PIK3R5: variants seen among roughly 807,000 people sequenced by gnomAD.
PIK3R5 encodes the protein phosphoinositide-3-kinase regulatory subunit 5.
PIK3R5 carries 32 observed loss-of-function variants against 94.9 expected under a neutral mutation model. The observed-to-expected ratio is 0.34, with a 90% CI of 0.25 to 0.45. The LOEUF (loss-of-function observed/expected upper bound fraction) is 0.45. PIK3R5 is among the 20% of genes least tolerant of loss of function. The pLI is 1.00. For synonymous variants in PIK3R5, 443 were observed against 479.4 expected (o/e 0.92, Z 0.99); for missense variants, 853 against 1,144.6 (o/e 0.75, Z 3.68).
At chr17:8,902,515 A>T (rs1420582412) in intron 5 of PIK3R5, among the ~76,000 whole-genome samples, 1 of 151,978 alleles carries the variant, frequency 6.6e-6, no homozygotes, top group Non-Finnish European at 1.5e-5. Context: ...GCCTCCCAAA[A>T]TGCTGGGATT....
rs1567639751 is a variant in PIK3R5 at position 8,893,086 on chromosome 17, T to TGTGTGTG, written c.482+499_482+500insCACACAC. 3.5e-4 allele frequency among the ~76,000 whole-genome samples: 28 copies of TGTGTGTG among 78,940 alleles called. No individual in the cohort carries two copies. Among genetic ancestry groups the TGTGTGTG allele is most frequent in the African/African-American group, 1.8e-3 (23 of 12,446 alleles). 51.8% of individuals were successfully genotyped at this position (78,940 alleles called of 152,430 possible). A position where few individuals can be genotyped will look rare whatever the true frequency, so the allele number is the denominator to read the frequency against. ...TGTGTGTGTGTGTGTGTGTGTGTGTTTGTGTATCAGGCTGTCATATAAAAT... is the reference window on the plus strand; with the variant it reads ...TGTGTGTGTGTGTGTGTGTGTGTGTTGTGTGTGTGTGTATCAGGCTGTCATATAAAAT... On this transcript the variant is annotated intron_variant, in intron 6 of 18. Coordinates refer to ENST00000447110, the MANE Select transcript of PIK3R5 (RefSeq NM_001142633.3). The surrounding 1 kb of genome is among the most constrained non-coding windows in gnomAD (Gnocchi z 5.1).
intron 1 of PIK3R5, among the ~76,000 whole-genome samples, chr17:8,941,376 A>T (rs1487998702): frequency 6.6e-6 from 1 of 152,130 alleles, no homozygotes; most frequent in Non-Finnish European, 1.5e-5. Flanking sequence ...AAGGAGAAAG[A>T]AAAAAAGGGG....
intron 1 of PIK3R5, among the ~76,000 whole-genome samples, chr17:8,920,240 C>A (rs1311419801): frequency 6.6e-6 from 1 of 152,164 alleles, no homozygotes; most frequent in Admixed American, 6.5e-5. Flanking sequence ...GTCTTCAGAA[C>A]TAGGCCAAGA....
chr17:8,934,572 A>G (rs1156978103), intron 1 of PIK3R5, among the ~76,000 whole-genome samples: 2 of 152,244 alleles, frequency 1.3e-5, no homozygotes, highest in African/African-American at 4.8e-5. Flanking sequence ...TGCCTTCGGT[A>G]TATGGAAATA....
rs367793229 is a variant in PIK3R5 at position 8,886,567 on chromosome 17, G to A, written c.1944C>T (p.Ser648=). 2.5e-6 allele frequency: 4 copies of A among 1,611,354 alleles called. No homozygotes were observed. Among genetic ancestry groups the A allele is most frequent in the Admixed American group, 1.7e-5 (1 of 59,696 alleles). ...CAGCCAGGATGGGCAGCTGGGTTGG[G>A]GAGCCCTCCAGGGCCTGGGCTTCAG... ...LKAEAQALEG[S]PTQLPILADM... Residue 648 remains serine (S), a synonymous_variant, in exon 13 of 19, where the codon TCC becomes TCT. Coordinates refer to ENST00000447110, the MANE Select transcript of PIK3R5 (RefSeq NM_001142633.3).
chr17:8,965,129 CT>C (rs2091645231), intron 1 of PIK3R5, among the ~76,000 whole-genome samples: 1 of 152,262 alleles, frequency 6.6e-6, no homozygotes, highest in African/African-American at 2.4e-5. Flanking sequence ...CCAAGGCTGG[CT>C]AACTAGCAGG....
At chr17:8,951,844 AT>A (rs2091382870) in intron 1 of PIK3R5, among the ~76,000 whole-genome samples, 1 of 152,212 alleles carries the variant, frequency 6.6e-6, no homozygotes, top group Non-Finnish European at 1.5e-5. Flanking sequence ...CCTTCCTTCT[AT>A]GGGGATATAA....
At position 8,909,663 on chromosome 17, in the gene PIK3R5, A is replaced by G. The variant is rs1386927599; in HGVS notation, c.104-489T>C. ...CACTCAACCCTACCATGCCCCATCA[A>G]GACATAATGACAAATTCCCTGTTCC... On this transcript the variant is annotated intron_variant, in intron 2 of 18. Coordinates refer to ENST00000447110, the MANE Select transcript of PIK3R5 (RefSeq NM_001142633.3). The surrounding 1 kb of genome is among the most constrained non-coding windows in gnomAD (Gnocchi z 4.3). 6.6e-6 allele frequency among the ~76,000 whole-genome samples: 1 copy of G among 152,236 alleles called. No individual in the cohort carries two copies. Among genetic ancestry groups the G allele is most frequent in the Non-Finnish European group, 1.5e-5 (1 of 68,046 alleles).
intron 1 of PIK3R5, among the ~76,000 whole-genome samples, chr17:8,957,391 C>T (rs1434880980): frequency 6.6e-6 from 1 of 152,174 alleles, no homozygotes; most frequent in Non-Finnish European, 1.5e-5. Flanking sequence ...CAGAGAATGA[C>T]ACCCAGTTGA....
intron 1 of PIK3R5, among the ~76,000 whole-genome samples, chr17:8,928,016 C>T (rs2090921083): frequency 6.6e-6 from 1 of 152,186 alleles, no homozygotes; most frequent in Admixed American, 6.5e-5. Flanking sequence ...TGATGCCATG[C>T]TTCTTGTACA....
chr17:8,904,629 G>C lies in PIK3R5; in HGVS notation c.412+148C>G. On this transcript the variant is annotated intron_variant, in intron 5 of 18. Coordinates refer to ENST00000447110, the MANE Select transcript of PIK3R5 (RefSeq NM_001142633.3). The surrounding 1 kb of genome is among the most constrained non-coding windows in gnomAD (Gnocchi z 5.1). ...CAGATGCTTGATGGTGCTGTGAAGA[G>C]GAGACTCCATGTTTGTGAACCAAGG... 1.4e-6 allele frequency: 1 copy of C among 710,542 alleles called. No homozygotes were observed. Among genetic ancestry groups the C allele is most frequent in the South Asian group, 1.8e-5 (1 of 56,592 alleles). The allele number at this position is 710,542 out of a possible 1,614,324, so 44.0% of individuals were successfully genotyped here.
Position 8,880,625 on chromosome 17 carries a change from G to A in PIK3R5, c.*14C>T. The A allele has an allele frequency of 6.3e-7, 1 of 1,593,766 alleles. No homozygotes were observed. The highest frequency in any genetic ancestry group is 8.5e-7 in the Non-Finnish European group (1 of 1,170,290). On this transcript the variant is annotated 3_prime_UTR_variant, in exon 19 of 19. Coordinates refer to ENST00000447110, the MANE Select transcript of PIK3R5 (RefSeq NM_001142633.3). Reference sequence around the variant, plus strand: ...TGCCCCAGGGCTTCTGTCCAGTCTGGCGCTGGGCCCACACTAGGGCAGAGC... The same window carrying A: ...TGCCCCAGGGCTTCTGTCCAGTCTGACGCTGGGCCCACACTAGGGCAGAGC...
intron 5 of PIK3R5, among the ~76,000 whole-genome samples, chr17:8,894,223 T>C (rs971786472): frequency 1.3e-5 from 2 of 152,330 alleles, no homozygotes; most frequent in African/African-American, 4.8e-5. Flanking sequence ...CTTCAGAGAC[T>C]GGGAGGCGGA....
chr17:8,888,293 G>T lies in PIK3R5; in HGVS notation c.1494C>A (p.Arg498=), dbSNP rs1459334636. ...LPSWLLAPAS[R]PQRRRPFLSG... Reference sequence around the variant, plus strand: ...TCAGGAAGGGGCGGCGGCGCTGGGGGCGTGAAGCAGGGGCCAGAAGCCAGC... The same window carrying T: ...TCAGGAAGGGGCGGCGGCGCTGGGGTCGTGAAGCAGGGGCCAGAAGCCAGC... Residue 498 remains arginine, a synonymous_variant, in exon 10 of 19, where the codon CGC becomes CGA. Coordinates refer to ENST00000447110, the MANE Select transcript of PIK3R5 (RefSeq NM_001142633.3). This position sits in a 1 kb window ranked among gnomAD's most constrained non-coding sequence, Gnocchi z 7.8. The T allele has an allele frequency of 1.2e-6, 2 of 1,613,092 alleles. No homozygotes were observed. The highest frequency in any genetic ancestry group is 3.3e-5 in the Admixed American group (2 of 60,002).
intron 3 of PIK3R5, among the ~76,000 whole-genome samples, chr17:8,908,530 AACAC>A (rs3138608): frequency 0.021 from 2,843 of 136,626 alleles, 64 homozygotes; most frequent in African/African-American, 0.054. Context: ...AAATAATTAA[AACAC>A]ACACACACAC....
Position 8,911,558 on chromosome 17 carries a change from G to T in PIK3R5, c.-13-51C>A. 8.0e-7 allele frequency: 1 copy of T among 1,243,142 alleles called. No individual in the cohort carries two copies. The highest frequency in any genetic ancestry group is 1.2e-6 in the Non-Finnish European group (1 of 869,342). 77.0% of individuals were successfully genotyped at this position (1,243,142 alleles called of 1,614,324 possible). A position where few individuals can be genotyped will look rare whatever the true frequency, so the allele number is the denominator to read the frequency against. On this transcript the variant is annotated intron_variant, in intron 1 of 18. Coordinates refer to ENST00000447110, the MANE Select transcript of PIK3R5 (RefSeq NM_001142633.3). This position sits in a 1 kb window ranked among gnomAD's most constrained non-coding sequence, Gnocchi z 5.3. ...GCTTGTCGAGCTCCTTTCCCAGAGA[G>T]CACCTGGTCCAGTAAAGACAACAGG...
chr17:8,961,846 T>C (rs1311904297), intron 1 of PIK3R5, among the ~76,000 whole-genome samples: 4 of 152,110 alleles, frequency 2.6e-5, no homozygotes, highest in Non-Finnish European at 5.9e-5. Context: ...AAGTCATCCA[T>C]TTCTTCCCAT....
intron 1 of PIK3R5, among the ~76,000 whole-genome samples, chr17:8,936,314 T>C (rs2091075512): frequency 6.6e-6 from 1 of 152,196 alleles, no homozygotes; most frequent in African/African-American, 2.4e-5. Context: ...CTCTTTGTGT[T>C]GTACAATTCT....
rs1255896806 is a variant in PIK3R5 at position 8,948,031 on chromosome 17, A to G, written c.-14+17565T>C. ...GCACTCCAGCCTGGGCGACAGAGCG[A>G]GACTCCGTCTTAAAAAAAAAAAAAA... On this transcript the variant is annotated intron_variant, in intron 1 of 18. Transcript: ENST00000447110. 3.8e-5 allele frequency among the ~76,000 whole-genome samples: 5 copies of G among 129,960 alleles called. No individual in the cohort carries two copies. In the East Asian group the frequency reaches 9.8e-4, roughly 25 times the overall value. The allele number at this position is 129,960 out of a possible 152,430, so 85.3% of individuals were successfully genotyped here.
Sources: gnomAD v4.1 joint callset for allele counts (sites outside exome capture counted in the v4.1 genomes callset) on GRCh38, gnomAD v4.1.1 for gene constraint, Gnocchi (gnomAD v3.1) non-coding constraint, MANE v1.5 for transcripts, NCBI Gene and HGNC (gene_info 2026-07-23, HGNC 2026-07-21) for gene names.